Variants in THSD4 observed in about 807,000 individuals in gnomAD.
THSD4 encodes the protein thrombospondin type 1 domain containing 4, also known as thrombospondin type-1 domain-containing protein 4.
A neutral mutation model predicts 119.0 loss-of-function variants in THSD4; 69 were observed. That is an observed-to-expected ratio of 0.58 (90% confidence interval 0.48 to 0.71). The LOEUF (loss-of-function observed/expected upper bound fraction) is 0.71. THSD4 is among the 30% of genes least tolerant of loss of function. The pLI, the probability that THSD4 is intolerant of heterozygous loss-of-function variation, is 0.00. For missense variants in THSD4, 1,393 were observed against 1,391.1 expected, an observed-to-expected ratio of 1.00 and a Z score of -0.02; for synonymous variants, 524 against 540.4, an observed-to-expected ratio of 0.97 and a Z score of 0.42.
intron 3 of THSD4, among the ~76,000 whole-genome samples, chr15:71,163,017 C>T (rs904767043): frequency 7.9e-5 from 12 of 151,852 alleles, no homozygotes; most frequent in South Asian, 2.1e-4. Flanking sequence ...ATTTCTAATT[C>T]GGCTCACGAA....
Position 71,483,680 on chromosome 15 carries a change from C to G in THSD4, c.1152+71857C>G, listed in dbSNP as rs1479484430. Among the ~76,000 whole-genome samples, 6 of 152,026 alleles carry G rather than the reference C, an allele frequency of 3.9e-5. No homozygotes were observed. The East Asian group carries it at 1.2e-3, about 29-fold the overall frequency. On this transcript the variant is annotated intron_variant, in intron 7 of 17. Transcript: ENST00000261862. ...TGTGCCGTGGTGGTGGTTTGCTGCACCTGTCAACCCATCACCTAGGTATTA... is the reference window on the plus strand; with the variant it reads ...TGTGCCGTGGTGGTGGTTTGCTGCAGCTGTCAACCCATCACCTAGGTATTA...
chr15:71,746,759 G>T, intron 12 of THSD4, 79 bp from the exon 13 acceptor site: 2 of 1,425,690 alleles, frequency 1.4e-6, no homozygotes, highest in Admixed American at 3.4e-5. Flanking sequence ...ATGATTCTGT[G>T]TACGCTGCTG....
chr15:71,110,697 C>T (rs957806984), upstream of THSD4: 1 of 170,064 alleles, frequency 5.9e-6, no homozygotes, highest in South Asian at 1.4e-4. Flanking sequence ...TGAAGCCACA[C>T]AGCCCTTCTG....
At chr15:71,527,447 A>C (rs973216141) in intron 7 of THSD4, among the ~76,000 whole-genome samples, 3 of 152,156 alleles carry the variant, frequency 2.0e-5, no homozygotes, top group Admixed American at 2.0e-4. Context: ...AAGTTTTTAT[A>C]ACTTCCCAAC....
chr15:71,675,549 G>A lies in THSD4; in HGVS notation c.1357+14815G>A, dbSNP rs139440691. Among the ~76,000 whole-genome samples, 37 of 152,284 alleles carry A rather than the reference G, an allele frequency of 2.4e-4. 1 individual carries two copies. In the East Asian group the frequency reaches 4.1e-3, roughly 17 times the overall value. ...GAGGCCCATGCATGGTGTGCAGCCC[G>A]TGTGGGGGTTCTGTGCTCAGACATC... On this transcript the variant is annotated intron_variant, in intron 8 of 17. Transcript: ENST00000261862.
intron 6 of THSD4, among the ~76,000 whole-genome samples, chr15:71,403,174 C>A (rs1281785295): frequency 6.6e-6 from 1 of 152,104 alleles, no homozygotes; most frequent in Non-Finnish European, 1.5e-5. Flanking sequence ...CTTAGATATT[C>A]TATCTCCTGG....
rs541872845 is a variant in THSD4 at position 71,324,190 on chromosome 15, C to CT, written c.1015+67487dup. On this transcript the variant is annotated intron_variant, in intron 6 of 17. Coordinates refer to ENST00000261862, the MANE Select transcript of THSD4 (RefSeq NM_024817.3). ...AATTGTGATAGCTGTTTTTTGTGTT[C>CT]TTTTTTTTTTTTAACCTCCCAACAA... Among the ~76,000 whole-genome samples, 545 of 144,682 alleles carry CT rather than the reference C, an allele frequency of 3.8e-3. 2 individuals carry two copies. The highest frequency in any genetic ancestry group is 5.8e-3 in the Admixed American group (84 of 14,466). 94.9% of individuals were successfully genotyped at this position (144,682 alleles called of 152,430 possible).
chr15:71,649,848 T>C (rs1383489967), intron 7 of THSD4, among the ~76,000 whole-genome samples: 1 of 152,234 alleles, frequency 6.6e-6, no homozygotes, highest in Non-Finnish European at 1.5e-5. Flanking sequence ...GCAACATTTA[T>C]TGACTAGGGA....
chr15:71,147,308 G>T (rs750385161), intron 2 of THSD4, among the ~76,000 whole-genome samples: 2 of 152,076 alleles, frequency 1.3e-5, no homozygotes, highest in East Asian at 3.9e-4. Flanking sequence ...GGGCTCAAAC[G>T]ATCCTCCCAC....
chr15:71,751,442 A>G (rs1567135868), intron 14 of THSD4, among the ~76,000 whole-genome samples: 2 of 152,174 alleles, frequency 1.3e-5, no homozygotes, highest in South Asian at 2.1e-4. Flanking sequence ...TTCTTCTCAT[A>G]CATACTTTAC....
intron 3 of THSD4, among the ~76,000 whole-genome samples, chr15:71,168,562 T>C (rs1268550597): frequency 1.3e-5 from 2 of 152,176 alleles, no homozygotes; most frequent in Non-Finnish European, 2.9e-5. Flanking sequence ...TTTTAACCTG[T>C]TATTTATAGA....
chr15:71,421,045 A>G (rs2046798708), intron 7 of THSD4, among the ~76,000 whole-genome samples: 1 of 98,040 alleles, frequency 1.0e-5, no homozygotes, highest in South Asian at 3.4e-4. Context: ...ACATGCACCT[A>G]TAATTCTAGC....
At chr15:71,644,188 A>C (rs1567078968) in intron 7 of THSD4, among the ~76,000 whole-genome samples, 1 of 152,198 alleles carries the variant, frequency 6.6e-6, no homozygotes, top group Non-Finnish European at 1.5e-5. Flanking sequence ...TGGTTAAACC[A>C]GATGATCTCT....
intron 3 of THSD4, among the ~76,000 whole-genome samples, chr15:71,180,342 A>G (rs562612473): frequency 1.3e-5 from 2 of 152,292 alleles, no homozygotes; most frequent in African/African-American, 4.8e-5. Flanking sequence ...AAGGACTTGA[A>G]TAGACGTTTC....
At chr15:71,698,873 T>C (rs1014906414) in intron 8 of THSD4, among the ~76,000 whole-genome samples, 5 of 151,638 alleles carry the variant, frequency 3.3e-5, no homozygotes, top group Non-Finnish European at 5.9e-5. Context: ...ATAGCCAAAC[T>C]CATAAAAGCA....
chr15:71,731,087 C>T lies in THSD4; in HGVS notation c.1534-34C>T, dbSNP rs2052968847. 4.4e-6 allele frequency: 7 copies of T among 1,608,864 alleles called. No homozygotes were observed. In the East Asian group the frequency reaches 1.6e-4, roughly 36 times the overall value. ...AACCCAGAAGGGGTGTGCATACGTG[C>T]CAAGTGCGGTAACACTGATTTTTGT... On this transcript the variant is annotated intron_variant, in intron 9 of 17. Coordinates refer to ENST00000261862, the MANE Select transcript of THSD4 (RefSeq NM_024817.3).
chr15:71,678,729 A>G (rs1595856620), intron 8 of THSD4, among the ~76,000 whole-genome samples: 1 of 151,982 alleles, frequency 6.6e-6, no homozygotes, highest in Non-Finnish European at 1.5e-5. Context: ...ACTCTACCCT[A>G]CTCTGTCCCC....
At chr15:71,524,630 T>C (rs1314988661) in intron 7 of THSD4, among the ~76,000 whole-genome samples, 1 of 133,422 alleles carries the variant, frequency 7.5e-6, no homozygotes, top group Non-Finnish European at 1.6e-5. Flanking sequence ...CGAGTCTCTA[T>C]CTGTCACCCA....
intron 7 of THSD4, among the ~76,000 whole-genome samples, chr15:71,501,263 T>C (rs1361402601): frequency 2.0e-5 from 3 of 152,248 alleles, no homozygotes; most frequent in African/African-American, 4.8e-5. Flanking sequence ...TTCGGCACTT[T>C]CAGTGTATCA....
Sources: gnomAD v4.1 joint callset for allele counts (sites outside exome capture counted in the v4.1 genomes callset) on GRCh38, gnomAD v4.1.1 for gene constraint, MANE v1.5 for transcripts, NCBI Gene and HGNC (gene_info 2026-07-23, HGNC 2026-07-21) for gene names.